Variants in PARD3 observed in about 807,000 individuals in gnomAD.
PARD3 encodes the protein partitioning defective 3 homolog.
Under a neutral mutation model 155.4 loss-of-function variants are expected in PARD3, and 75 were observed. The observed-to-expected ratio is 0.48, with a 90% CI of 0.40 to 0.58. The LOEUF is 0.58. Ranked by LOEUF, PARD3 falls within the 20% of genes least tolerant of loss-of-function variation. The pLI, the probability that PARD3 is intolerant of heterozygous loss-of-function variation, is 0.00. For synonymous variants in PARD3, 576 were observed against 610.5 expected, an observed-to-expected ratio of 0.94 and a Z score of 0.83; for missense variants, 1,642 against 1,721.7, an observed-to-expected ratio of 0.95 and a Z score of 0.82.
chr10:34,362,270 G>C (rs1205678271), intron 12 of PARD3, among the ~76,000 whole-genome samples: 1 of 152,130 alleles, frequency 6.6e-6, no homozygotes, highest in Admixed American at 6.5e-5. Flanking sequence ...CTGCACTCCA[G>C]CCTGGGCGAC....
chr10:34,372,778 A>C (rs1410717218), intron 11 of PARD3, among the ~76,000 whole-genome samples: 1 of 152,156 alleles, frequency 6.6e-6, no homozygotes, highest in Non-Finnish European at 1.5e-5. Flanking sequence ...CATTCACAGT[A>C]CATCATGAAT....
intron 21 of PARD3, among the ~76,000 whole-genome samples, chr10:34,281,077 T>C (rs971115386): frequency 6.6e-6 from 1 of 152,018 alleles, no homozygotes; most frequent in Non-Finnish European, 1.5e-5. Flanking sequence ...GTGTGATGCT[T>C]GGTCGACAGA....
At chr10:34,683,174 G>A (rs1041436996) in intron 2 of PARD3, among the ~76,000 whole-genome samples, 1 of 152,088 alleles carries the variant, frequency 6.6e-6, no homozygotes, top group Non-Finnish European at 1.5e-5. Context: ...ATTCATAAGT[G>A]GAAGCTAAAC....
intron 22 of PARD3, among the ~76,000 whole-genome samples, chr10:34,209,276 T>TA (rs1951625909): frequency 6.6e-6 from 1 of 152,192 alleles, no homozygotes; most frequent in Non-Finnish European, 1.5e-5. Context: ...ATCAAAAATC[T>TA]AGCAGAATAT....
At chr10:34,428,497 G>T (rs1391370346) in intron 5 of PARD3, among the ~76,000 whole-genome samples, 3 of 152,098 alleles carry the variant, frequency 2.0e-5, no homozygotes, top group African/African-American at 7.2e-5. Flanking sequence ...AAAGAAAAAA[G>T]AGGCCTAAAA....
intron 12 of PARD3, among the ~76,000 whole-genome samples, chr10:34,371,528 AAAAACAACG>A (rs1840649708): frequency 7.6e-5 from 5 of 65,790 alleles, no homozygotes; most frequent in African/African-American, 1.9e-4. Context: ...AAAAAAAAAA[AAAAACAACG>A]AAGGAATATT....
chr10:34,260,417 G>A (rs1183544811), intron 22 of PARD3, among the ~76,000 whole-genome samples: 1 of 152,230 alleles, frequency 6.6e-6, no homozygotes, highest in African/African-American at 2.4e-5. Context: ...GGATCTGGAA[G>A]ACTGTTTAGA....
At chr10:34,782,217 C>T (rs893476513) in intron 1 of PARD3, among the ~76,000 whole-genome samples, 9 of 152,160 alleles carry the variant, frequency 5.9e-5, no homozygotes, top group Admixed American at 2.6e-4. Flanking sequence ...CAGCATGTAA[C>T]CTGAACACAT....
chr10:34,427,029 T>C (rs1485117497), intron 5 of PARD3, among the ~76,000 whole-genome samples: 2 of 152,248 alleles, frequency 1.3e-5, no homozygotes, highest in Non-Finnish European at 2.9e-5. Context: ...TTTAATCTCT[T>C]AATCCTGTCA....
At chr10:34,378,688 C>A (rs767422576) in intron 9 of PARD3, among the ~76,000 whole-genome samples, 1 of 152,158 alleles carries the variant, frequency 6.6e-6, no homozygotes, top group Non-Finnish European at 1.5e-5. Context: ...TTCTAATTCA[C>A]CTAAATCTTA....
intron 2 of PARD3, among the ~76,000 whole-genome samples, chr10:34,692,728 G>T (rs1364682468): frequency 1.3e-5 from 2 of 152,106 alleles, no homozygotes; most frequent in Non-Finnish European, 2.9e-5. Context: ...ACAAAAATTA[G>T]CCGGGCATGG....
rs137876857 is a variant in PARD3, at chr10:34,325,016, A to T, written c.2833+6101T>A. ...AAATAGTCTGTGGTTTGCTGTCTAC[A>T]TCTTTTTTTTTGAGATGGAGTTTTG... On this transcript the variant is annotated intron_variant, in intron 19 of 24. Coordinates refer to ENST00000374788, the MANE Select transcript of PARD3 (RefSeq NM_001184785.2). Among the ~76,000 whole-genome samples, 11 of 151,992 alleles carry T rather than the reference A, an allele frequency of 7.2e-5. No individual in the cohort carries two copies. The East Asian group carries it at 2.1e-3, about 29-fold the overall frequency.
At chr10:34,344,635 G>A (rs77259994) in intron 15 of PARD3, 445 of 985,340 alleles carry the variant, frequency 4.5e-4, no homozygotes, top group Non-Finnish European at 5.1e-4. Flanking sequence ...TTAGAAAAAT[G>A]TTTAAGGCTT....
chr10:34,173,190 G>A (rs1452409307), intron 22 of PARD3, among the ~76,000 whole-genome samples: 2 of 152,116 alleles, frequency 1.3e-5, no homozygotes, highest in Non-Finnish European at 2.9e-5. Flanking sequence ...TCCTCCTTCC[G>A]AAAAACCCCG....
intron 1 of PARD3, among the ~76,000 whole-genome samples, chr10:34,792,261 G>C (rs1055980253): frequency 6.6e-6 from 1 of 152,092 alleles, no homozygotes. Flanking sequence ...CTTCCCTGTA[G>C]GAAGAAAAGT....
At chr10:34,688,889 C>A (rs1026270655) in intron 2 of PARD3, among the ~76,000 whole-genome samples, 9 of 152,168 alleles carry the variant, frequency 5.9e-5, no homozygotes, top group African/African-American at 2.2e-4. Context: ...AAATTCACAA[C>A]GACCAAGTAT....
intron 22 of PARD3, among the ~76,000 whole-genome samples, chr10:34,201,407 C>T (rs1335996761): frequency 6.6e-6 from 1 of 152,124 alleles, no homozygotes; most frequent in Non-Finnish European, 1.5e-5. Context: ...ATAACAAACG[C>T]AGATCCTTAT....
intron 4 of PARD3, among the ~76,000 whole-genome samples, chr10:34,467,052 G>A (rs1390252044): frequency 6.6e-6 from 1 of 151,864 alleles, no homozygotes; most frequent in African/African-American, 2.4e-5. Flanking sequence ...ATTAAATACT[G>A]CTCCATGGAA....
rs1946938825 is a variant in PARD3 at position 34,120,523 on chromosome 10, G to A, written c.3541-783C>T. Among the ~76,000 whole-genome samples, 4 of 152,226 alleles carry A rather than the reference G, an allele frequency of 2.6e-5. No individual in the cohort carries two copies. In the South Asian group the frequency reaches 8.3e-4, roughly 32 times the overall value. On this transcript the variant is annotated intron_variant, in intron 23 of 24. Coordinates refer to ENST00000374788, the MANE Select transcript of PARD3 (RefSeq NM_001184785.2). ...AGGTGGCCATGTTGATGAATTTTGG[G>A]GGGTAGGTATATATTTTAGTTTTAC...
Sources: gnomAD v4.1 joint callset for allele counts (sites outside exome capture counted in the v4.1 genomes callset) on GRCh38, gnomAD v4.1.1 for gene constraint, MANE v1.5 for transcripts, NCBI Gene and HGNC (gene_info 2026-07-23, HGNC 2026-07-21) for gene names.